PPP1R9B: variants seen among roughly 807,000 people sequenced by gnomAD.
PPP1R9B encodes protein phosphatase 1 regulatory subunit 9B.
A neutral mutation model predicts 75.8 loss-of-function variants in PPP1R9B; 17 were observed. The observed-to-expected ratio is 0.22, with a 90% CI of 0.15 to 0.34. The LOEUF (loss-of-function observed/expected upper bound fraction) is 0.34, where lower values mean the gene tolerates loss of function less well. PPP1R9B is among the 10% of genes least tolerant of loss of function. The probability of loss-of-function intolerance (pLI) is 1.00; values close to 1 mark genes in which losing one functional copy is unlikely to be tolerated. For missense variants in PPP1R9B, 875 were observed against 1,196.0 expected, an observed-to-expected ratio of 0.73 and a Z score of 3.96; for synonymous variants, 509 against 535.4, an observed-to-expected ratio of 0.95 and a Z score of 0.68.
intron 7 of PPP1R9B, among the ~76,000 whole-genome samples, chr17:50,138,760 G>A (rs1912295163): frequency 6.6e-6 from 1 of 152,166 alleles, no homozygotes; most frequent in Admixed American, 6.5e-5. Flanking sequence ...AAGTAGCTGG[G>A]ATCACTGGTG....
chr17:50,136,529 T>C (rs776894133), intron 7 of PPP1R9B, among the ~76,000 whole-genome samples: 2 of 152,192 alleles, frequency 1.3e-5, no homozygotes, highest in Non-Finnish European at 2.9e-5. Flanking sequence ...ATGGCAGTGA[T>C]ATGTGCCTCC....
At chr17:50,147,815 T>A (rs1452122802) in intron 1 of PPP1R9B, among the ~76,000 whole-genome samples, 1 of 152,128 alleles carries the variant, frequency 6.6e-6, no homozygotes, top group Non-Finnish European at 1.5e-5. Flanking sequence ...CCACTCACTT[T>A]TAACCTTTCA....
rs1912192202 is a variant in PPP1R9B at position 50,135,292 on chromosome 17, A to AG, written c.*38dup. 2 of 1,549,794 alleles carry AG rather than the reference A, an allele frequency of 1.3e-6. No individual in the cohort carries two copies. Among genetic ancestry groups the AG allele is most frequent in the Non-Finnish European group, 1.8e-6 (2 of 1,123,708 alleles). On this transcript the variant is annotated 3_prime_UTR_variant, in exon 10 of 10. Transcript: ENST00000612501. ...AGGACAGGGGAGGGAGGACAATGGG[A>AG]GGGGGGTTAATTATTGTCCAGTCAT... is the stretch of plus-strand genomic sequence containing the variant.
chr17:50,147,847 G>A (rs1285858791), intron 1 of PPP1R9B, among the ~76,000 whole-genome samples: 2 of 152,176 alleles, frequency 1.3e-5, no homozygotes, highest in Non-Finnish European at 2.9e-5. Context: ...GGGGTGGGAG[G>A]TGGGAGAGGG....
At chr17:50,136,219 C>G in intron 7 of PPP1R9B, 22 bp from the exon 8 acceptor site, 1 of 1,592,906 alleles carries the variant, frequency 6.3e-7, no homozygotes. Context: ...AGGCACGGCC[C>G]TGGGTTGGTG....
At position 50,150,618 on chromosome 17, in the gene PPP1R9B, C is replaced by A; in HGVS notation, c.-105G>T. 1.7e-6 allele frequency: 2 copies of A among 1,177,316 alleles called. No individual in the cohort carries two copies. Among genetic ancestry groups the A allele is most frequent in the Non-Finnish European group, 1.1e-6 (1 of 935,490 alleles). The allele number at this position is 1,177,316 out of a possible 1,614,324, so 72.9% of individuals were successfully genotyped here. A position where few individuals can be genotyped will look rare whatever the true frequency, so the allele number is the denominator to read the frequency against. ...CCCCCTCCCCCCGATAAAAGAAACC[C>A]CGAAGGCCTTTTTTAGGGTCCCCCC... is the stretch of plus-strand genomic sequence containing the variant. On this transcript the variant is annotated 5_prime_UTR_variant, in exon 1 of 10. Transcript: ENST00000612501. This position sits in a 1 kb window ranked among gnomAD's most constrained non-coding sequence, Gnocchi z 8.7.
intron 3 of PPP1R9B, among the ~76,000 whole-genome samples, chr17:50,143,318 C>A (rs867755286): frequency 6.6e-6 from 1 of 152,184 alleles, no homozygotes; most frequent in Non-Finnish European, 1.5e-5. Flanking sequence ...TACTCCAGAC[C>A]GGGATGCACA....
chr17:50,138,352 A>G (rs1013863682), intron 7 of PPP1R9B, among the ~76,000 whole-genome samples: 2 of 152,180 alleles, frequency 1.3e-5, no homozygotes, highest in African/African-American at 2.4e-5. Flanking sequence ...GGGTCTGCAT[A>G]TCCAGGCTGA....
At position 50,150,070 on chromosome 17, in the gene PPP1R9B, C is replaced by T. The variant is rs1460820893; in HGVS notation, c.444G>A (p.Arg148=). The change falls in exon 1 of 10, where the codon CGG becomes CGA. Residue 148 remains arginine, a synonymous_variant. Coordinates refer to ENST00000612501, the MANE Select transcript of PPP1R9B (RefSeq NM_032595.5). The surrounding 1 kb of genome is among the most constrained non-coding windows in gnomAD (Gnocchi z 8.7). Reference sequence around the variant, plus strand: ...CTGGGGCGCTCCGTTCGAACAGCTTCCGCGTCTCCTGCAGCCGGGACGGCG... The same window carrying T: ...CTGGGGCGCTCCGTTCGAACAGCTTTCGCGTCTCCTGCAGCCGGGACGGCG... The part of the protein sequence containing the change: ...PHPPSRLQET[R]KLFERSAPAA... 1.4e-6 allele frequency: 2 copies of T among 1,440,974 alleles called. No individual in the cohort carries two copies. The highest frequency in any genetic ancestry group is 3.0e-5 in the East Asian group (1 of 33,024). The allele number at this position is 1,440,974 out of a possible 1,614,324, so 89.3% of individuals were successfully genotyped here.
intron 7 of PPP1R9B, 115 bp from the exon 8 acceptor site, chr17:50,136,312 T>C (rs12449482): frequency 0.016 from 12,376 of 797,814 alleles, 583 homozygotes; most frequent in Admixed American, 0.11. Flanking sequence ...GTGGAGTCCA[T>C]TGCACCCCAA....
intron 2 of PPP1R9B, 62 bp from the exon 3 acceptor site, chr17:50,143,780 C>T: frequency 6.2e-7 from 1 of 1,601,566 alleles, no homozygotes; most frequent in Non-Finnish European, 8.5e-7. Context: ...GACTCTCCAC[C>T]CCGAATTCCA....
chr17:50,137,288 T>A (rs895559656), intron 7 of PPP1R9B: 3 of 152,358 alleles, frequency 2.0e-5, no homozygotes, highest in African/African-American at 7.2e-5. Context: ...TGTTCTCTCC[T>A]ACAGAGCCCC....
chr17:50,149,492 G>T lies in PPP1R9B; in HGVS notation c.1022C>A (p.Pro341His). The T allele has an allele frequency of 6.3e-7, 1 of 1,598,216 alleles. No homozygotes were observed. Among genetic ancestry groups the T allele is most frequent in the African/African-American group, 1.3e-5 (1 of 74,490 alleles). ...TTGGGCCTTTGGCTCCTCGGGCGCG[G>T]GGCTGGCTGCAGTTGCCACGGTGCT... ...NGSTVATAAS[P>H]APEEPKAQAA... Residue 341 changes from proline (P) to histidine (H), a missense_variant, in exon 1 of 10, where the codon CCC becomes CAC. Transcript: ENST00000612501. This position sits in a 1 kb window ranked among gnomAD's most constrained non-coding sequence, Gnocchi z 7.2.
intron 1 of PPP1R9B, among the ~76,000 whole-genome samples, chr17:50,148,293 G>A (rs1912571961): frequency 6.6e-6 from 1 of 152,250 alleles, no homozygotes; most frequent in Non-Finnish European, 1.5e-5. Flanking sequence ...GGCTCCCAGA[G>A]AATGTGGCAA....
intron 4 of PPP1R9B, among the ~76,000 whole-genome samples, chr17:50,140,946 C>A (rs1912360170): frequency 6.6e-6 from 1 of 152,126 alleles, no homozygotes; most frequent in Non-Finnish European, 1.5e-5. Flanking sequence ...TTAGCATTCA[C>A]CCTGGACGTC....
At position 50,149,582 on chromosome 17, in the gene PPP1R9B, G is replaced by GCCTCCGACTCCC; in HGVS notation, c.920_931dup (p.Gly307_Glu310dup). On this transcript the variant is annotated inframe_insertion, in exon 1 of 10. Coordinates refer to ENST00000612501, the MANE Select transcript of PPP1R9B (RefSeq NM_032595.5). The surrounding 1 kb of genome is among the most constrained non-coding windows in gnomAD (Gnocchi z 7.2). ...GATCACCTCCCCGGGCGCCGACTCG[G>GCCTCCGACTCCC]CCTCCGACTCCCCGCTCTCCTCCAC... 1 of 1,575,324 alleles carries GCCTCCGACTCCC rather than the reference G, an allele frequency of 6.3e-7. No homozygotes were observed. The highest frequency in any genetic ancestry group is 1.2e-5 in the South Asian group (1 of 86,166).
At chr17:50,145,797 T>G (rs1598249087) in intron 1 of PPP1R9B, among the ~76,000 whole-genome samples, 1 of 149,544 alleles carries the variant, frequency 6.7e-6, no homozygotes, top group East Asian at 2.0e-4. Context: ...AGGGGAGAGG[T>G]ACCCAGGACT....
rs1187913681 is a variant in PPP1R9B, at chr17:50,150,643, C to A, written c.-130G>T. 2 of 891,200 alleles carry A rather than the reference C, an allele frequency of 2.2e-6. No individual in the cohort carries two copies. The highest frequency in any genetic ancestry group is 3.0e-6 in the Non-Finnish European group (2 of 677,556). 55.2% of individuals were successfully genotyped at this position (891,200 alleles called of 1,614,324 possible). On this transcript the variant is annotated 5_prime_UTR_variant, in exon 1 of 10. Coordinates refer to ENST00000612501, the MANE Select transcript of PPP1R9B (RefSeq NM_032595.5). The surrounding 1 kb of genome is among the most constrained non-coding windows in gnomAD (Gnocchi z 8.7). ...CCGAAGGCCTTTTTTAGGGTCCCCC[C>A]AAAACCAAGCTGCCAAAAACAGTTA...
rs1912412410 is a variant in PPP1R9B, at chr17:50,142,510, G to GT, written c.1625+1087dup. On this transcript the variant is annotated intron_variant, in intron 3 of 9. Coordinates refer to ENST00000612501, the MANE Select transcript of PPP1R9B (RefSeq NM_032595.5). The surrounding 1 kb of genome is among the most constrained non-coding windows in gnomAD (Gnocchi z 4.1). ...CTCCATGCCACCTGGGCCACAACAG[G>GT]TAGAAGCCCCTTGACAGGGCAGCCC... Among the ~76,000 whole-genome samples, 1 of 152,164 alleles carries GT rather than the reference G, an allele frequency of 6.6e-6. No individual in the cohort carries two copies. The highest frequency in any genetic ancestry group is 2.1e-4 in the South Asian group (1 of 4,834).
Sources: allele counts gnomAD v4.1 joint callset (sites outside exome capture counted in the v4.1 genomes callset), GRCh38; gene constraint gnomAD v4.1.1; non-coding constraint Gnocchi (gnomAD v3.1); transcripts MANE v1.5; gene names NCBI Gene and HGNC (gene_info 2026-07-23, HGNC 2026-07-21).